WDR37: variants seen among roughly 807,000 people sequenced by gnomAD.
WDR37 encodes the protein WD repeat domain 37.
In WDR37, 19 loss-of-function variants were observed where a neutral mutation model predicts 62.9. The ratio of observed to expected loss-of-function variants is 0.30; its 90% CI spans 0.21 to 0.44. The LOEUF (loss-of-function observed/expected upper bound fraction) is 0.44, where lower values mean the gene tolerates loss of function less well. WDR37 is among the 20% of genes least tolerant of loss of function. The pLI is 1.00. For synonymous variants in WDR37, 250 were observed against 260.9 expected, an observed-to-expected ratio of 0.96 and a Z score of 0.40; for missense variants, 474 against 657.6, an observed-to-expected ratio of 0.72 and a Z score of 3.05.
At position 1,103,514 on chromosome 10, in the gene WDR37, T is replaced by G; in HGVS notation, c.727-88T>G. On this transcript the variant is annotated intron_variant, in intron 9 of 13. Transcript: ENST00000263150. The surrounding 1 kb of genome is among the most constrained non-coding windows in gnomAD (Gnocchi z 6.3). Reference sequence around the variant, plus strand: ...GATGGATATGTCCTCAAGAGATTAATGAGAACCATCTATTTTGTAGCTATG... The same window carrying G: ...GATGGATATGTCCTCAAGAGATTAAGGAGAACCATCTATTTTGTAGCTATG... 68 of 1,379,188 alleles carry G rather than the reference T, an allele frequency of 4.9e-5. No individual in the cohort carries two copies. The highest frequency in any genetic ancestry group is 1.8e-4 in the Middle Eastern group (1 of 5,624). 85.4% of individuals were successfully genotyped at this position (1,379,188 alleles called of 1,614,324 possible).
At chr10:1,106,246 C>T (rs1185725275) in intron 11 of WDR37, among the ~76,000 whole-genome samples, 1 of 152,100 alleles carries the variant, frequency 6.6e-6, no homozygotes, top group Non-Finnish European at 1.5e-5. Context: ...CCCGTTCCCC[C>T]ATCATGCCCC....
intron 11 of WDR37, among the ~76,000 whole-genome samples, chr10:1,111,628 C>A (rs965816816): frequency 6.6e-6 from 1 of 152,276 alleles, no homozygotes; most frequent in African/African-American, 2.4e-5. Flanking sequence ...TTTGATGTGT[C>A]TTATTTCTTT....
chr10:1,063,439 A>T (rs1238132621), intron 1 of WDR37, among the ~76,000 whole-genome samples: 1 of 152,144 alleles, frequency 6.6e-6, no homozygotes, highest in Non-Finnish European at 1.5e-5. Flanking sequence ...CCTCCAGCTA[A>T]ATATCACAGG....
At chr10:1,125,407 GGTTA>G (rs1422518526) in intron 13 of WDR37, among the ~76,000 whole-genome samples, 2 of 152,188 alleles carry the variant, frequency 1.3e-5, no homozygotes, top group East Asian at 1.9e-4. Flanking sequence ...TAGTCAGGCT[GGTTA>G]GTTAGTCAGG....
chr10:1,101,725 G>C (rs1034890952), intron 9 of WDR37, among the ~76,000 whole-genome samples: 2 of 152,186 alleles, frequency 1.3e-5, no homozygotes, highest in African/African-American at 4.8e-5. Context: ...TTTGCCTCCC[G>C]TAGCTGTTCC....
At chr10:1,116,416 G>A (rs564562883) in intron 11 of WDR37, among the ~76,000 whole-genome samples, 31 of 152,136 alleles carry the variant, frequency 2.0e-4, no homozygotes, top group Non-Finnish European at 4.0e-4. Flanking sequence ...GTCCCTGTGT[G>A]CACGTAGTTT....
At chr10:1,075,306 A>G (rs962106860) in intron 2 of WDR37, among the ~76,000 whole-genome samples, 4 of 148,120 alleles carry the variant, frequency 2.7e-5, no homozygotes, top group Non-Finnish European at 5.9e-5. Flanking sequence ...TTATACTTTA[A>G]GTTCTGGGGT....
Sources: gnomAD v4.1 joint callset for allele counts (sites outside exome capture counted in the v4.1 genomes callset) on GRCh38, gnomAD v4.1.1 for gene constraint, Gnocchi (gnomAD v3.1) non-coding constraint, MANE v1.5 for transcripts, NCBI Gene and HGNC (gene_info 2026-07-23, HGNC 2026-07-21) for gene names.